DENND1A: variants seen among roughly 807,000 people sequenced by gnomAD.
DENND1A encodes the protein DENN domain containing 1A, also known as DENN domain-containing protein 1A.
Under a neutral mutation model 113.7 loss-of-function variants are expected in DENND1A, and 51 were observed. The ratio of observed to expected loss-of-function variants is 0.45; its 90% CI spans 0.36 to 0.57. The LOEUF is 0.57. Among genes scored for constraint, DENND1A ranks in the 20% least tolerant of loss-of-function variants. The probability of loss-of-function intolerance (pLI) is 0.00; values close to 1 mark genes in which losing one functional copy is unlikely to be tolerated. For synonymous variants in DENND1A, 565 were observed against 570.8 expected, an observed-to-expected ratio of 0.99 and a Z score of 0.14; for missense variants, 1,258 against 1,395.9, an observed-to-expected ratio of 0.90 and a Z score of 1.57.
chr9:123,482,742 G>T (rs1229077775), intron 13 of DENND1A, among the ~76,000 whole-genome samples: 1 of 152,208 alleles, frequency 6.6e-6, no homozygotes, highest in Non-Finnish European at 1.5e-5. Context: ...GTCCCAAGAA[G>T]ACACCTGGAG....
intron 19 of DENND1A, among the ~76,000 whole-genome samples, chr9:123,425,729 C>A (rs1054357848): frequency 6.6e-6 from 1 of 152,220 alleles, no homozygotes; most frequent in African/African-American, 2.4e-5. Context: ...GCATCCCCAG[C>A]AAGCCAGCAT....
intron 3 of DENND1A, among the ~76,000 whole-genome samples, chr9:123,781,344 T>C (rs1831286445): frequency 6.6e-6 from 1 of 152,166 alleles, no homozygotes; most frequent in Non-Finnish European, 1.5e-5. Context: ...AAACCATGGC[T>C]TGTCTGGAGG....
intron 6 of DENND1A, among the ~76,000 whole-genome samples, chr9:123,673,426 T>A (rs1232547020): frequency 1.3e-5 from 2 of 152,244 alleles, no homozygotes; most frequent in African/African-American, 4.8e-5. Flanking sequence ...TCTGACATGT[T>A]CCCATCATGA....
At chr9:123,799,544 G>T (rs1167577310) in intron 2 of DENND1A, among the ~76,000 whole-genome samples, 1 of 152,132 alleles carries the variant, frequency 6.6e-6, no homozygotes, top group African/African-American at 2.4e-5. Context: ...GGCAGAAAAA[G>T]GTTCCACGAA....
At chr9:123,692,474 AT>A (rs1417952070) in intron 5 of DENND1A, among the ~76,000 whole-genome samples, 2 of 152,256 alleles carry the variant, frequency 1.3e-5, no homozygotes, top group Admixed American at 6.5e-5. Flanking sequence ...ATGAAAGCAA[AT>A]TAAAAAAAGA....
At chr9:123,632,666 G>A (rs935348423) in intron 9 of DENND1A, among the ~76,000 whole-genome samples, 6 of 152,014 alleles carry the variant, frequency 3.9e-5, no homozygotes, top group Admixed American at 3.9e-4. Flanking sequence ...ACCAGCCCAC[G>A]GTCTAGCTTT....
At chr9:123,539,457 T>G (rs1320121742) in intron 13 of DENND1A, among the ~76,000 whole-genome samples, 1 of 147,494 alleles carries the variant, frequency 6.8e-6, no homozygotes, top group African/African-American at 2.5e-5. Flanking sequence ...ATTTGGGTAA[T>G]AAAACTATTT....
intron 21 of DENND1A, among the ~76,000 whole-genome samples, chr9:123,396,654 T>C (rs1048414251): frequency 3.9e-5 from 6 of 152,216 alleles, no homozygotes; most frequent in Non-Finnish European, 8.8e-5. Context: ...GGGGCTTTGG[T>C]GCTGGGGTCA....
chr9:123,512,390 C>T (rs1304593726), intron 13 of DENND1A, among the ~76,000 whole-genome samples: 1 of 152,214 alleles, frequency 6.6e-6, no homozygotes, highest in Non-Finnish European at 1.5e-5. Context: ...ACTGAATGGG[C>T]TGGCACTCGG....
rs546083275 is a variant in DENND1A, at chr9:123,460,592, C to T, written c.994-2695G>A. On this transcript the variant is annotated intron_variant, in intron 13 of 23. Transcript: ENST00000394215. ...TCTTAACTGTCATTATCCACAGTTA[C>T]CCACAGTGGACCTATCAGACTTTCT... Among the ~76,000 whole-genome samples, 16 of 152,344 alleles carry T rather than the reference C, an allele frequency of 1.1e-4. No homozygotes were observed. In the South Asian group the frequency reaches 1.5e-3, roughly 14 times the overall value.
chr9:123,741,679 G>T (rs1339148592), intron 5 of DENND1A, among the ~76,000 whole-genome samples: 1 of 152,110 alleles, frequency 6.6e-6, no homozygotes, highest in Non-Finnish European at 1.5e-5. Flanking sequence ...AGATATCCTG[G>T]TTATCCCTTC....
chr9:123,818,306 G>A (rs1197770022), intron 2 of DENND1A, among the ~76,000 whole-genome samples: 3 of 151,698 alleles, frequency 2.0e-5, no homozygotes, highest in Admixed American at 1.3e-4. Flanking sequence ...GGGTTTCACC[G>A]TTTTAGCAGG....
chr9:123,911,251 T>A (rs1417842501), intron 1 of DENND1A, among the ~76,000 whole-genome samples: 1 of 152,170 alleles, frequency 6.6e-6, no homozygotes, highest in Non-Finnish European at 1.5e-5. Context: ...TAATGGCTAA[T>A]AATATGGCTA....
chr9:123,650,663 T>A (rs764543805), intron 9 of DENND1A, among the ~76,000 whole-genome samples: 14 of 152,130 alleles, frequency 9.2e-5, no homozygotes, highest in Non-Finnish European at 2.1e-4. Flanking sequence ...TCCCAGCACT[T>A]TGGGAGGCTG....
intron 13 of DENND1A, among the ~76,000 whole-genome samples, chr9:123,536,972 T>G: frequency 6.6e-6 from 1 of 152,050 alleles, no homozygotes; most frequent in East Asian, 1.9e-4. Context: ...AACAAAACAC[T>G]GAGATCAAAT....
At chr9:123,737,237 C>T (rs1189155772) in intron 5 of DENND1A, among the ~76,000 whole-genome samples, 1 of 152,100 alleles carries the variant, frequency 6.6e-6, no homozygotes, top group African/African-American at 2.4e-5. Flanking sequence ...CTCTGTCGCC[C>T]ACACTGGAGT....
At chr9:123,464,753 CTTTTT>C (rs775297651) in intron 13 of DENND1A, among the ~76,000 whole-genome samples, 1 of 151,018 alleles carries the variant, frequency 6.6e-6, no homozygotes, top group Non-Finnish European at 1.5e-5. Context: ...TTAATTAAAA[CTTTTT>C]TTTTAACTTA....
At chr9:123,436,698 A>G (rs1187706545) in intron 19 of DENND1A, among the ~76,000 whole-genome samples, 1 of 152,216 alleles carries the variant, frequency 6.6e-6, no homozygotes, top group African/African-American at 2.4e-5. Context: ...GGCCTAACAT[A>G]TGTCTGCTTT....
chr9:123,757,779 T>C lies in DENND1A; in HGVS notation c.226A>G (p.Thr76Ala), dbSNP rs2070694482. 6.2e-7 allele frequency: 1 copy of C among 1,613,960 alleles called. No individual in the cohort carries two copies. Among genetic ancestry groups the C allele is most frequent in the Admixed American group, 1.7e-5 (1 of 59,994 alleles). The change falls in exon 5 of 24, where the codon ACT (threonine) becomes GCT (alanine). Residue 76 changes from threonine (T) to alanine (A), a missense_variant. Transcript: ENST00000394215. Reference protein sequence around the residue: ...QVGQNFTFVLTDIDSKQRFGF... With the variant: ...QVGQNFTFVLADIDSKQRFGF... ...AATCTCTGTTTGCTGTCAATGTCAG[T>C]GAGCACGAATGTGAAGTTCTGGCCA... is the stretch of plus-strand genomic sequence containing the variant.
Sources: allele counts gnomAD v4.1 joint callset (sites outside exome capture counted in the v4.1 genomes callset), GRCh38; gene constraint gnomAD v4.1.1; transcripts MANE v1.5; gene names NCBI Gene and HGNC (gene_info 2026-07-23, HGNC 2026-07-21).